ATAD3B: variants seen among roughly 807,000 people sequenced by gnomAD.
ATAD3B encodes the protein ATPase family AAA domain-containing protein 3B.
Under a neutral mutation model 70.2 loss-of-function variants are expected in ATAD3B, and 59 were observed. The ratio of observed to expected loss-of-function variants is 0.84; its 90% confidence interval spans 0.68 to 1.04. The LOEUF (loss-of-function observed/expected upper bound fraction) is 1.04. Among genes scored for constraint, ATAD3B ranks in the 50% least tolerant of loss-of-function variants. The pLI, the probability that ATAD3B is intolerant of heterozygous loss-of-function variation, is 0.00. For missense variants in ATAD3B, 961 were observed against 913.4 expected (o/e 1.05, Z -0.67); for synonymous variants, 423 against 388.6 (o/e 1.09, Z -1.04).
chr1:1,496,122 G>A lies in ATAD3B; in HGVS notation c.*305G>A, dbSNP rs8241. The A allele has an allele frequency of 0.054, 61,308 of 1,143,942 alleles. 2,633 individuals carry two copies. Among genetic ancestry groups the A allele is most frequent in the East Asian group, 0.16 (3,431 of 22,084 alleles). The allele number at this position is 1,143,942 out of a possible 1,614,324, so 70.9% of individuals were successfully genotyped here. A position where few individuals can be genotyped will look rare whatever the true frequency, so the allele number is the denominator to read the frequency against. ...CACGGAACCCGGCAGGGGTGTCTGA[G>A]GCCGCCCTGTCAGCTGGCCGGTCCA... On this transcript the variant is annotated 3_prime_UTR_variant, in exon 16 of 16. Coordinates refer to ENST00000673477, the MANE Select transcript of ATAD3B (RefSeq NM_031921.6).
rs754293840 is a variant in ATAD3B at position 1,490,567 on chromosome 1, C to T, written c.1510C>T (p.Leu504=). The T allele has an allele frequency of 3.7e-6, 6 of 1,610,994 alleles. No individual in the cohort carries two copies. In the Admixed American group the frequency reaches 1.0e-4, roughly 27 times the overall value. ...ACTTGGGAACTCCTTCCCCAGGCGC[C>T]TGAAGCTGGCCCAGTTTGACTACGG... The part of the protein sequence containing the change: ...LKPATEGKRR[L]KLAQFDYGRK... Residue 504 remains leucine (L), a synonymous_variant, in exon 15 of 16, where the codon CTG becomes TTG. Coordinates refer to ENST00000673477, the MANE Select transcript of ATAD3B (RefSeq NM_031921.6).
chr1:1,504,578 AG>A, the ATAD3B span, among the ~76,000 whole-genome samples: 1 of 151,814 alleles, frequency 6.6e-6, no homozygotes, highest in Non-Finnish European at 1.5e-5. Context: ...TGAACCTGGG[AG>A]GCGGAGGTTG....
intron 2 of ATAD3B, among the ~76,000 whole-genome samples, chr1:1,477,652 C>T (rs1312096141): frequency 6.6e-6 from 1 of 151,500 alleles, no homozygotes; most frequent in Non-Finnish European, 1.5e-5. Flanking sequence ...ACATTCTCAC[C>T]TCATTTCTTT....
At chr1:1,474,662 G>A (rs1639503623) in intron 1 of ATAD3B, among the ~76,000 whole-genome samples, 2 of 151,868 alleles carry the variant, frequency 1.3e-5, no homozygotes, top group Admixed American at 1.3e-4. Flanking sequence ...AGCACACCTG[G>A]CTAATTTTTG....
intron 5 of ATAD3B, among the ~76,000 whole-genome samples, chr1:1,481,149 G>T (rs1262074786): frequency 7.4e-6 from 1 of 135,872 alleles, no homozygotes; most frequent in Non-Finnish European, 1.5e-5. Context: ...GGCAGGAGCT[G>T]CTTCACTTCA....
At position 1,481,935 on chromosome 1, in the gene ATAD3B, TGTGGCGTGGGCCGGTCC is replaced by T. The variant is rs2100551548; in HGVS notation, c.515-198_515-182del. On this transcript the variant is annotated intron_variant, in intron 5 of 15. Transcript: ENST00000673477. ...GGCCGGTCCACGGCATGGGCCTGTCTGTGGCGTGGGCCGGTCCGTGGTGCGGGCCTGTCCGTGGCCTT... is the reference window on the plus strand; with the variant it reads ...GGCCGGTCCACGGCATGGGCCTGTCTGTGGTGCGGGCCTGTCCGTGGCCTT... 1.3e-5 allele frequency among the ~76,000 whole-genome samples: 2 copies of T among 151,608 alleles called. 1 individual carries two copies. Among genetic ancestry groups the T allele is most frequent in the Non-Finnish European group, 2.9e-5 (2 of 67,848 alleles).
chr1:1,502,315 C>T (rs1165654384), downstream of ATAD3B, among the ~76,000 whole-genome samples: 3 of 143,208 alleles, frequency 2.1e-5, no homozygotes, highest in African/African-American at 5.2e-5. Flanking sequence ...CCCGGGTTCA[C>T]GCCATTCTCC....
Position 1,471,793 on chromosome 1 carries a change from C to T in ATAD3B, c.-92C>T, listed in dbSNP as rs955486692. Reference sequence around the variant, plus strand: ...TCGCCTGCGCAGTGGTCCTGGCCACCGGCTCGCGGCGCGTGGAGGCTGCTC... The same window carrying T: ...TCGCCTGCGCAGTGGTCCTGGCCACTGGCTCGCGGCGCGTGGAGGCTGCTC... On this transcript the variant is annotated 5_prime_UTR_variant, in exon 1 of 16. Transcript: ENST00000673477. The T allele has an allele frequency of 7.4e-6, 9 of 1,218,794 alleles. No homozygotes were observed. In the African/African-American group the frequency reaches 9.5e-5, roughly 13 times the overall value. The allele number at this position is 1,218,794 out of a possible 1,614,324, so 75.5% of individuals were successfully genotyped here.
At chr1:1,508,493 T>C in the ATAD3B span, among the ~76,000 whole-genome samples, 882 of 151,494 alleles carry the variant, frequency 5.8e-3, 15 homozygotes, top group Non-Finnish European at 8.9e-3. Flanking sequence ...CTGTGCTTCC[T>C]CCAGGCGTCC....
downstream of ATAD3B, among the ~76,000 whole-genome samples, chr1:1,499,438 T>C (rs1173794362): frequency 6.6e-6 from 1 of 150,870 alleles, no homozygotes; most frequent in Non-Finnish European, 1.5e-5. Flanking sequence ...GGTTATACCA[T>C]GTTAGCCAGG....
At chr1:1,498,511 G>A (rs1225121451), downstream of ATAD3B, among the ~76,000 whole-genome samples, 1 of 151,776 alleles carries the variant, frequency 6.6e-6, no homozygotes, top group African/African-American at 2.4e-5. Flanking sequence ...GATGGCCATG[G>A]CGAGGGGTGG....
chr1:1,479,447 G>A (rs1359713694), intron 4 of ATAD3B, among the ~76,000 whole-genome samples: 2 of 132,402 alleles, frequency 1.5e-5, no homozygotes, highest in Admixed American at 7.8e-5. Flanking sequence ...TGCACACATG[G>A]GGAAACATGG....
chr1:1,487,980 G>C (rs1415779994), intron 12 of ATAD3B, 66 bp downstream of exon 12: 2 of 1,594,742 alleles, frequency 1.3e-6, no homozygotes, highest in Non-Finnish European at 1.7e-6. Flanking sequence ...TGTCATCCTG[G>C]GCCAGGCTGC....
intron 4 of ATAD3B, among the ~76,000 whole-genome samples, chr1:1,480,369 G>C (rs137979847): frequency 0.011 from 1,561 of 146,486 alleles, 144 homozygotes; most frequent in South Asian, 0.031. Flanking sequence ...CTGGCAGTCT[G>C]GGAGGTTCTG....
chr1:1,501,212 C>G (rs1439801304), downstream of ATAD3B, among the ~76,000 whole-genome samples: 3 of 152,028 alleles, frequency 2.0e-5, no homozygotes, highest in East Asian at 5.9e-4. Context: ...CCTCAGCGTC[C>G]TGAGTAGTAA....
chr1:1,498,639 C>T (rs1274678304), downstream of ATAD3B, among the ~76,000 whole-genome samples: 1 of 151,692 alleles, frequency 6.6e-6, no homozygotes, highest in Admixed American at 6.6e-5. Context: ...AACTCCTGGG[C>T]TCAAGCGATC....
chr1:1,496,032 G>C lies in ATAD3B; in HGVS notation c.*215G>C. 1 of 1,336,036 alleles carries C rather than the reference G, an allele frequency of 7.5e-7. No individual in the cohort carries two copies. The highest frequency in any genetic ancestry group is 9.6e-7 in the Non-Finnish European group (1 of 1,044,078). The allele number at this position is 1,336,036 out of a possible 1,614,324, so 82.8% of individuals were successfully genotyped here. A position where few individuals can be genotyped will look rare whatever the true frequency, so the allele number is the denominator to read the frequency against. Reference sequence around the variant, plus strand: ...CTCCCACAGCAGAGCCAGGTGAGGGGGGGCCTGCCAGGACTAGACAGAAGT... The same window carrying C: ...CTCCCACAGCAGAGCCAGGTGAGGGCGGGCCTGCCAGGACTAGACAGAAGT... On this transcript the variant is annotated 3_prime_UTR_variant, in exon 16 of 16. Coordinates refer to ENST00000673477, the MANE Select transcript of ATAD3B (RefSeq NM_031921.6).
Position 1,490,631 on chromosome 1 carries a change from T to A in ATAD3B, c.1574T>A (p.Met525Lys), listed in dbSNP as rs749185407. ...CSEVARLTEG[M>K]SGREIAQLAV... is the part of the protein sequence containing the mutation. ...GAGGTCGCTCGGCTGACGGAGGGCA[T>A]GTCGGGCCGGGAGATCGCTCAGCTG... Residue 525 changes from methionine (M) to lysine (K), a missense_variant, in exon 15 of 16, where the codon ATG becomes AAG. Transcript: ENST00000673477. 1 of 1,606,744 alleles carries A rather than the reference T, an allele frequency of 6.2e-7. No individual in the cohort carries two copies. The highest frequency in any genetic ancestry group is 2.2e-5 in the East Asian group (1 of 44,598).
chr1:1,485,323 G>T, intron 8 of ATAD3B, 152 bp downstream of exon 8: 4 of 1,326,756 alleles, frequency 3.0e-6, no homozygotes, highest in Non-Finnish European at 4.1e-6. Context: ...TTCCTGTCTG[G>T]CGCTGTACCT....
Sources: gnomAD v4.1 joint callset for allele counts (sites outside exome capture counted in the v4.1 genomes callset) on GRCh38, gnomAD v4.1.1 for gene constraint, MANE v1.5 for transcripts, NCBI Gene and HGNC (gene_info 2026-07-23, HGNC 2026-07-21) for gene names.